PDE7B: variants seen among roughly 807,000 people sequenced by gnomAD.
PDE7B encodes the protein 3',5'-cyclic-AMP phosphodiesterase 7B.
In PDE7B, 29 loss-of-function variants were observed where a neutral mutation model predicts 56.2. The ratio of observed to expected loss-of-function variants is 0.52; its 90% CI spans 0.38 to 0.70. The LOEUF (loss-of-function observed/expected upper bound fraction) is 0.70, where lower values mean the gene tolerates loss of function less well. Ranked by LOEUF, PDE7B falls within the 30% of genes least tolerant of loss-of-function variation. The pLI, the probability that PDE7B is intolerant of heterozygous loss-of-function variation, is 0.00. For synonymous variants in PDE7B, 197 were observed against 196.9 expected (o/e 1.00, Z 0.00); for missense variants, 490 against 565.0 (o/e 0.87, Z 1.35).
chr6:136,166,623 T>C (rs1389318672), intron 8 of PDE7B, among the ~76,000 whole-genome samples: 5 of 152,098 alleles, frequency 3.3e-5, no homozygotes, highest in Non-Finnish European at 7.4e-5. Flanking sequence ...AAGAACTCAC[T>C]ACCACAAGAA....
At chr6:136,136,291 G>C (rs1196820943) in intron 3 of PDE7B, among the ~76,000 whole-genome samples, 4 of 152,052 alleles carry the variant, frequency 2.6e-5, no homozygotes, top group East Asian at 3.9e-4. Flanking sequence ...ACTTAGATGA[G>C]AGCACACACA....
At chr6:135,867,933 T>C (rs1417792485) in intron 1 of PDE7B, among the ~76,000 whole-genome samples, 1 of 151,820 alleles carries the variant, frequency 6.6e-6, no homozygotes, top group East Asian at 1.9e-4. Context: ...AGCAAACATT[T>C]ACAGTGTTTC....
At chr6:136,069,836 A>G (rs1777016072) in intron 2 of PDE7B, among the ~76,000 whole-genome samples, 1 of 152,144 alleles carries the variant, frequency 6.6e-6, no homozygotes, top group African/African-American at 2.4e-5. Context: ...ATGGTAAATG[A>G]AGTGCTTAAA....
chr6:135,998,712 C>T (rs913598101), intron 2 of PDE7B, among the ~76,000 whole-genome samples: 10 of 151,442 alleles, frequency 6.6e-5, no homozygotes, highest in Admixed American at 2.6e-4. Context: ...GCCGAGATGG[C>T]GCCACTGCAC....
At chr6:136,155,143 G>GA (rs1046841563) in intron 7 of PDE7B, among the ~76,000 whole-genome samples, 1 of 152,094 alleles carries the variant, frequency 6.6e-6, no homozygotes, top group African/African-American at 2.4e-5. Context: ...ATTACACATT[G>GA]AAAAAAATGC....
chr6:136,052,142 G>A (rs1776640585), intron 2 of PDE7B, among the ~76,000 whole-genome samples: 1 of 151,762 alleles, frequency 6.6e-6, no homozygotes, highest in East Asian at 1.9e-4. Flanking sequence ...ACAATAAAAT[G>A]TAAGTACACA....
intron 2 of PDE7B, among the ~76,000 whole-genome samples, chr6:136,090,771 C>T (rs1455547905): frequency 6.6e-6 from 1 of 152,136 alleles, no homozygotes; most frequent in Non-Finnish European, 1.5e-5. Flanking sequence ...CCCTAACCTC[C>T]CTGTCTCTGT....
chr6:135,885,330 T>G (rs1408565965), intron 1 of PDE7B, among the ~76,000 whole-genome samples: 1 of 32,952 alleles, frequency 3.0e-5, no homozygotes, highest in Non-Finnish European at 4.9e-5. Flanking sequence ...TGTTTGTTGT[T>G]TTTTTTTTTT....
chr6:136,135,493 A>G (rs529873), intron 3 of PDE7B, among the ~76,000 whole-genome samples: 1,913 of 152,124 alleles, frequency 0.013, 20 homozygotes, highest in Non-Finnish European at 0.021. Flanking sequence ...TGTCTTAAAA[A>G]TATGTCCACC....
chr6:135,935,186 T>TTTATATATATATATA (rs1404954510), intron 1 of PDE7B, among the ~76,000 whole-genome samples: 1 of 38,448 alleles, frequency 2.6e-5, no homozygotes, highest in African/African-American at 1.5e-4. Flanking sequence ...ATATATATAT[T>TTTATATATATATATA]TATTTATATA....
chr6:135,972,851 G>A (rs973893343), intron 2 of PDE7B, among the ~76,000 whole-genome samples: 7 of 152,092 alleles, frequency 4.6e-5, no homozygotes, highest in Admixed American at 2.6e-4. Context: ...GTGGGTGTGA[G>A]GAGAGAACAA....
intron 2 of PDE7B, among the ~76,000 whole-genome samples, chr6:136,086,774 A>C (rs1777299546): frequency 1.3e-5 from 2 of 152,240 alleles, no homozygotes; most frequent in South Asian, 2.1e-4. Flanking sequence ...TAAAATGGAA[A>C]ATACTGTTAT....
At chr6:135,900,996 C>T (rs1775989833) in intron 1 of PDE7B, among the ~76,000 whole-genome samples, 1 of 152,138 alleles carries the variant, frequency 6.6e-6, no homozygotes, top group Non-Finnish European at 1.5e-5. Context: ...CAAGTGTTTT[C>T]CCCAAAGAGT....
At chr6:135,898,388 C>G (rs922454414) in intron 1 of PDE7B, among the ~76,000 whole-genome samples, 1 of 151,880 alleles carries the variant, frequency 6.6e-6, no homozygotes, top group African/African-American at 2.4e-5. Context: ...TATAAAAGTA[C>G]CTGTGAAAAT....
chr6:135,898,043 A>G (rs1375514171), intron 1 of PDE7B, among the ~76,000 whole-genome samples: 1 of 152,232 alleles, frequency 6.6e-6, no homozygotes, highest in African/African-American at 2.4e-5. Context: ...AAAAGCCTTT[A>G]TAGACCACTT....
intron 8 of PDE7B, among the ~76,000 whole-genome samples, chr6:136,169,006 G>A (rs1028317226): frequency 3.3e-5 from 5 of 152,132 alleles, no homozygotes; most frequent in African/African-American, 1.2e-4. Context: ...TTGGGAGGCA[G>A]CAAGGGCTGT....
rs11440304 is a variant in PDE7B, at chr6:135,889,440, A to ATT, written c.21+37442_21+37443dup. Among the ~76,000 whole-genome samples the ATT allele has an allele frequency of 2.7e-3, 277 of 103,316 alleles. 1 individual carries two copies. The highest frequency in any genetic ancestry group is 7.8e-3 in the African/African-American group (185 of 23,688). 67.8% of individuals were successfully genotyped at this position (103,316 alleles called of 152,430 possible). On this transcript the variant is annotated intron_variant, in intron 1 of 12. Transcript: ENST00000308191. The stretch of plus-strand genomic sequence containing the variant: ...CCACCGCACCCGAATGGTGCTACCA[A>ATT]TTTTTTTTTTTTTTTTTTTTTTGAG...
At chr6:136,179,213 C>T (rs1438718395) in intron 10 of PDE7B, 72 bp downstream of exon 10, 1 of 1,384,390 alleles carries the variant, frequency 7.2e-7, no homozygotes, top group Non-Finnish European at 1.0e-6. Context: ...TGGTGGCTCA[C>T]ATCTGTAGTC....
At chr6:136,143,482 A>G (rs1213146796) in intron 3 of PDE7B, among the ~76,000 whole-genome samples, 1 of 152,070 alleles carries the variant, frequency 6.6e-6, no homozygotes, top group African/African-American at 2.4e-5. Flanking sequence ...TCTTAATGTA[A>G]TATTTTTAAA....
Sources: allele counts gnomAD v4.1 joint callset (sites outside exome capture counted in the v4.1 genomes callset), GRCh38; gene constraint gnomAD v4.1.1; transcripts MANE v1.5; gene names NCBI Gene and HGNC (gene_info 2026-07-23, HGNC 2026-07-21).